The following DOCK5 variants were observed in gnomAD, a reference collection of about 807,000 sequenced individuals.
The protein encoded by DOCK5 is dedicator of cytokinesis protein 5.
DOCK5 carries 142 observed loss-of-function variants against 251.8 expected under a neutral mutation model. The ratio of observed to expected loss-of-function variants is 0.56; its 90% confidence interval spans 0.49 to 0.65. The LOEUF (loss-of-function observed/expected upper bound fraction) is 0.65, where lower values mean the gene tolerates loss of function less well. DOCK5 is among the 30% of genes least tolerant of loss of function. The pLI is 0.00. For synonymous variants in DOCK5, 842 were observed against 835.5 expected (o/e 1.01, Z -0.13); for missense variants, 2,111 against 2,312.3 (o/e 0.91, Z 1.79).
chr8:25,201,117 G>A (rs1055958582), intron 1 of DOCK5, among the ~76,000 whole-genome samples: 1 of 152,144 alleles, frequency 6.6e-6, no homozygotes, highest in Non-Finnish European at 1.5e-5. Context: ...ATTTTGGTCA[G>A]GCTGGTCTCA....
intron 51 of DOCK5, 99 bp from the exon 52 acceptor site, chr8:25,411,092 GATC>G (rs1213499947): frequency 1.8e-5 from 25 of 1,358,260 alleles, no homozygotes; most frequent in Non-Finnish European, 2.3e-5. Flanking sequence ...GATAAACTCA[GATC>G]AATTAGAAGC....
intron 18 of DOCK5, among the ~76,000 whole-genome samples, chr8:25,328,144 A>G (rs1447526374): frequency 3.3e-5 from 5 of 152,094 alleles, no homozygotes; most frequent in Non-Finnish European, 7.4e-5. Flanking sequence ...TCATCATCAC[A>G]GAATGTTCCT....
chr8:25,323,731 G>T (rs188348549), intron 16 of DOCK5, 117 bp from the exon 17 acceptor site: 1 of 1,158,608 alleles, frequency 8.6e-7, no homozygotes, highest in East Asian at 2.6e-5. Context: ...TTGCTCAGTT[G>T]TGCTTATTAG....
At chr8:25,278,428 G>A (rs959251453) in intron 4 of DOCK5, 141 bp from the exon 5 acceptor site, 11 of 715,126 alleles carry the variant, frequency 1.5e-5, no homozygotes, top group Non-Finnish European at 2.4e-5. Flanking sequence ...GCTTGGATGC[G>A]ATAAAGTCCC....
chr8:25,343,585 C>T (rs189878169), intron 25 of DOCK5, among the ~76,000 whole-genome samples: 2 of 152,252 alleles, frequency 1.3e-5, no homozygotes, highest in East Asian at 3.9e-4. Context: ...GAAAAGATGA[C>T]CCTTTTAAAA....
At chr8:25,206,871 G>A (rs1802013912) in intron 1 of DOCK5, among the ~76,000 whole-genome samples, 1 of 152,244 alleles carries the variant, frequency 6.6e-6, no homozygotes, top group Admixed American at 6.5e-5. Context: ...CTGAAGCCAT[G>A]TGGAAGCCAA....
intron 37 of DOCK5, 162 bp downstream of exon 37, chr8:25,374,816 G>A: frequency 6.6e-7 from 1 of 1,505,368 alleles, no homozygotes; most frequent in Non-Finnish European, 8.9e-7. Flanking sequence ...CTAATTTGTA[G>A]ATCAAGTATG....
chr8:25,248,870 A>G (rs940137891), intron 2 of DOCK5, among the ~76,000 whole-genome samples: 2 of 152,184 alleles, frequency 1.3e-5, no homozygotes, highest in East Asian at 3.8e-4. Flanking sequence ...GGTCACCTCC[A>G]CAAAACCCTG....
At chr8:25,197,221 T>C (rs1376088583) in intron 1 of DOCK5, among the ~76,000 whole-genome samples, 1 of 152,230 alleles carries the variant, frequency 6.6e-6, no homozygotes, top group African/African-American at 2.4e-5. Flanking sequence ...TCAAGCTTTA[T>C]AAAAGTGTTT....
chr8:25,310,186 T>TC (rs1195667637), intron 12 of DOCK5, among the ~76,000 whole-genome samples: 2 of 152,034 alleles, frequency 1.3e-5, no homozygotes, highest in Non-Finnish European at 1.5e-5. Flanking sequence ...ACCCCTTTTT[T>TC]CCCCCAAAGT....
chr8:25,287,415 G>T (rs1804364937), intron 5 of DOCK5, among the ~76,000 whole-genome samples: 1 of 151,686 alleles, frequency 6.6e-6, no homozygotes, highest in Non-Finnish European at 1.5e-5. Flanking sequence ...GACAGAGCGA[G>T]ACTCCATTAA....
chr8:25,185,284 G>A (rs1483670038), intron 1 of DOCK5, among the ~76,000 whole-genome samples: 1 of 152,182 alleles, frequency 6.6e-6, no homozygotes, highest in Non-Finnish European at 1.5e-5. Context: ...CAGCTCTGTG[G>A]CTCGCCCCGG....
intron 20 of DOCK5, 46 bp downstream of exon 20, chr8:25,332,738 T>C: frequency 7.2e-7 from 1 of 1,392,794 alleles, no homozygotes; most frequent in Non-Finnish European, 9.9e-7. Context: ...TGCAACTTTG[T>C]AGTTTTCAAT....
chr8:25,296,411 TC>T, intron 6 of DOCK5, 101 bp from the exon 7 acceptor site: 1 of 1,445,254 alleles, frequency 6.9e-7, no homozygotes, highest in Non-Finnish European at 9.3e-7. Context: ...GTCCAGCATC[TC>T]CCTTTCTAAC....
At chr8:25,214,930 A>C (rs1231151752) in intron 1 of DOCK5, among the ~76,000 whole-genome samples, 2 of 152,134 alleles carry the variant, frequency 1.3e-5, no homozygotes, top group African/African-American at 4.8e-5. Context: ...GCCAGCTGCA[A>C]ATTTGCTCTT....
intron 44 of DOCK5, among the ~76,000 whole-genome samples, chr8:25,395,239 C>G (rs1312745882): frequency 6.6e-6 from 1 of 152,122 alleles, no homozygotes; most frequent in African/African-American, 2.4e-5. Context: ...CACCACTGAT[C>G]TGACAGCAGG....
At position 25,366,978 on chromosome 8, in the gene DOCK5, T is replaced by A; in HGVS notation, c.3224+8T>A. The A allele has an allele frequency of 6.2e-7, 1 of 1,610,854 alleles. No individual in the cohort carries two copies. The highest frequency in any genetic ancestry group is 8.5e-7 in the Non-Finnish European group (1 of 1,177,266). On this transcript the variant is annotated splice_region_variant and intron_variant, in intron 31 of 51. Transcript: ENST00000276440. ...CAACAAAATTGTTAAAAAGTAAGTG[T>A]CCTTTTAAAGTTAAGATCGGGAAGG...
At chr8:25,303,272 C>G (rs766541904) in intron 10 of DOCK5, among the ~76,000 whole-genome samples, 1 of 152,168 alleles carries the variant, frequency 6.6e-6, no homozygotes, top group Non-Finnish European at 1.5e-5. Context: ...TTTCTTTCCC[C>G]CTTAGTGCCC....
chr8:25,314,225 C>T (rs1805177206), intron 13 of DOCK5, among the ~76,000 whole-genome samples: 1 of 151,748 alleles, frequency 6.6e-6, no homozygotes, highest in Non-Finnish European at 1.5e-5. Flanking sequence ...AGTCCTCCCA[C>T]CTCAGCCTCC....
Sources: gnomAD v4.1 joint callset for allele counts (sites outside exome capture counted in the v4.1 genomes callset) on GRCh38, gnomAD v4.1.1 for gene constraint, MANE v1.5 for transcripts, NCBI Gene and HGNC (gene_info 2026-07-23, HGNC 2026-07-21) for gene names.